Variants in MACROD2 observed in about 807,000 individuals in gnomAD.
The protein encoded by MACROD2 is mono-ADP ribosylhydrolase 2, also known as ADP-ribose glycohydrolase MACROD2.
MACROD2 carries 36 observed loss-of-function variants against 70.4 expected under a neutral mutation model. That is an observed-to-expected ratio of 0.51 (90% CI 0.39 to 0.68). The LOEUF is 0.68. Among genes scored for constraint, MACROD2 ranks in the 30% least tolerant of loss-of-function variants. The pLI, the probability that MACROD2 is intolerant of heterozygous loss-of-function variation, is 0.00. For synonymous variants in MACROD2, 172 were observed against 178.8 expected (o/e 0.96, Z 0.30); for missense variants, 496 against 538.4 (o/e 0.92, Z 0.78).
chr20:14,513,048 G>C (rs565686139), intron 4 of MACROD2, among the ~76,000 whole-genome samples: 1 of 152,232 alleles, frequency 6.6e-6, no homozygotes, highest in South Asian at 2.1e-4. Flanking sequence ...AACTTGGCAA[G>C]AAGAAGAGTT....
intron 3 of MACROD2, among the ~76,000 whole-genome samples, chr20:14,212,452 C>T (rs766536013): frequency 4.6e-5 from 7 of 152,106 alleles, no homozygotes; most frequent in Non-Finnish European, 7.4e-5. Flanking sequence ...AATTCCAAGA[C>T]GCCTTAAGAA....
chr20:15,827,149 A>G lies in MACROD2; in HGVS notation c.646-35596A>G, dbSNP rs73898518. 8.2e-3 allele frequency among the ~76,000 whole-genome samples: 1,246 copies of G among 152,280 alleles called. 18 individuals are homozygous for G. The highest frequency in any genetic ancestry group is 0.051 in the Middle Eastern group (15 of 294). On this transcript the variant is annotated intron_variant, in intron 8 of 17. Transcript: ENST00000684519. ...CCTTCATTCCAGCAGTCATTGGTCT[A>G]TAACAAAGCTTTTCAAAGATAAGAA...
chr20:15,324,984 C>T (rs1485759448), intron 6 of MACROD2, among the ~76,000 whole-genome samples: 1 of 149,486 alleles, frequency 6.7e-6, no homozygotes, highest in Non-Finnish European at 1.5e-5. Context: ...TTCATAAGGC[C>T]TCCTTCCACA....
intron 8 of MACROD2, among the ~76,000 whole-genome samples, chr20:15,621,371 A>G (rs2049123436): frequency 6.6e-6 from 1 of 152,172 alleles, no homozygotes. Context: ...GACTGGTCTC[A>G]AGGCTTTTCT....
intron 12 of MACROD2, among the ~76,000 whole-genome samples, chr20:15,953,450 G>A (rs150588254): frequency 3.9e-5 from 6 of 152,046 alleles, no homozygotes; most frequent in South Asian, 2.1e-4. Flanking sequence ...TATATTATAC[G>A]TATTGAAACA....
At chr20:14,959,786 G>A (rs1254906341) in intron 5 of MACROD2, among the ~76,000 whole-genome samples, 1 of 152,146 alleles carries the variant, frequency 6.6e-6, no homozygotes, top group Non-Finnish European at 1.5e-5. Flanking sequence ...CAGGATGGCT[G>A]ACTAACCCAC....
intron 3 of MACROD2, among the ~76,000 whole-genome samples, chr20:14,173,651 G>T (rs1601311614): frequency 6.6e-6 from 1 of 152,214 alleles, no homozygotes; most frequent in East Asian, 1.9e-4. Flanking sequence ...TGGATCTATT[G>T]CTGGTGAGCT....
At chr20:15,367,698 T>G (rs1408063831) in intron 6 of MACROD2, among the ~76,000 whole-genome samples, 1 of 152,130 alleles carries the variant, frequency 6.6e-6, no homozygotes, top group Non-Finnish European at 1.5e-5. Flanking sequence ...ATTTTTTTGT[T>G]TGCTTTGTTT....
chr20:14,159,561 CA>C (rs1182299788), intron 3 of MACROD2, among the ~76,000 whole-genome samples: 1 of 152,074 alleles, frequency 6.6e-6, no homozygotes, highest in Non-Finnish European at 1.5e-5. Flanking sequence ...CTGATTTTTG[CA>C]TGTTGATTTT....
chr20:14,651,720 TC>T (rs960690776), intron 4 of MACROD2, among the ~76,000 whole-genome samples: 48 of 152,304 alleles, frequency 3.2e-4, no homozygotes, highest in African/African-American at 1.1e-3. Context: ...TATATGCCTC[TC>T]CAGATCCATT....
At chr20:14,550,309 C>G (rs916086451) in intron 4 of MACROD2, among the ~76,000 whole-genome samples, 2 of 152,112 alleles carry the variant, frequency 1.3e-5, no homozygotes, top group Non-Finnish European at 2.9e-5. Context: ...TCCTTCCCTT[C>G]CCTGTCTCTT....
intron 8 of MACROD2, among the ~76,000 whole-genome samples, chr20:15,812,610 C>T (rs1203726490): frequency 6.6e-6 from 1 of 151,734 alleles, no homozygotes; most frequent in East Asian, 1.9e-4. Flanking sequence ...TGCATCCTTG[C>T]AAGAATTATC....
At chr20:15,736,370 T>G (rs2051020726) in intron 8 of MACROD2, among the ~76,000 whole-genome samples, 1 of 152,158 alleles carries the variant, frequency 6.6e-6, no homozygotes, top group Admixed American at 6.5e-5. Context: ...TTTCTTGGAG[T>G]TGAGGTTGCC....
At chr20:15,330,878 C>G (rs2077984358) in intron 6 of MACROD2, among the ~76,000 whole-genome samples, 1 of 151,604 alleles carries the variant, frequency 6.6e-6, no homozygotes, top group Non-Finnish European at 1.5e-5. Context: ...TCTTACTGCC[C>G]TGAAGTAATT....
chr20:14,518,768 A>C (rs747086877), intron 4 of MACROD2, among the ~76,000 whole-genome samples: 8 of 152,188 alleles, frequency 5.3e-5, no homozygotes, highest in Non-Finnish European at 1.0e-4. Flanking sequence ...CAAGGGAGAT[A>C]AGACTAAAGT....
chr20:15,605,734 A>C (rs1414983215), intron 8 of MACROD2, among the ~76,000 whole-genome samples: 2 of 152,206 alleles, frequency 1.3e-5, no homozygotes, highest in South Asian at 4.1e-4. Context: ...TGTGTATAAG[A>C]AATAGGTGTG....
intron 6 of MACROD2, among the ~76,000 whole-genome samples, chr20:15,414,817 A>C (rs1192336680): frequency 6.6e-6 from 1 of 152,248 alleles, no homozygotes; most frequent in African/African-American, 2.4e-5. Flanking sequence ...TTGCTTCTAA[A>C]TATGTCCACA....
chr20:14,689,545 A>G (rs1033899012), intron 5 of MACROD2, among the ~76,000 whole-genome samples: 3 of 152,160 alleles, frequency 2.0e-5, no homozygotes, highest in Non-Finnish European at 4.4e-5. Context: ...TTGGCCTTCC[A>G]CTGAACTACT....
chr20:15,853,862 C>T (rs545272098), intron 8 of MACROD2, among the ~76,000 whole-genome samples: 20 of 152,300 alleles, frequency 1.3e-4, no homozygotes, highest in Admixed American at 9.8e-4. Flanking sequence ...TTTTAAGGCA[C>T]TAACCCCCAG....
Sources: gnomAD v4.1 joint callset for allele counts (sites outside exome capture counted in the v4.1 genomes callset) on GRCh38, gnomAD v4.1.1 for gene constraint, MANE v1.5 for transcripts, NCBI Gene and HGNC (gene_info 2026-07-23, HGNC 2026-07-21) for gene names.